RAB34: variants seen among roughly 807,000 people sequenced by gnomAD.
RAB34 encodes RAB34, member RAS oncogene family.
In RAB34, 33 loss-of-function variants were observed where a neutral mutation model predicts 39.0. The observed-to-expected ratio is 0.85, with a 90% CI of 0.64 to 1.13. The LOEUF (loss-of-function observed/expected upper bound fraction) is 1.13, where lower values mean the gene tolerates loss of function less well. Ranked by LOEUF, RAB34 falls within the 50% of genes most tolerant of loss-of-function variation. The pLI is 0.00. For missense variants in RAB34, 289 were observed against 326.1 expected (o/e 0.89, Z 0.88); for synonymous variants, 135 against 125.1 (o/e 1.08, Z -0.53).
chr17:28,715,009 G>C (rs1396815765), intron 8 of RAB34, 23 bp downstream of exon 8: 1 of 1,610,000 alleles, frequency 6.2e-7, no homozygotes, highest in Non-Finnish European at 8.5e-7. Context: ...TGTCACAGCA[G>C]AGCCCTAAAG....
At position 28,717,730 on chromosome 17, in the gene RAB34, G is replaced by A. The variant is rs1051458968; in HGVS notation, c.-464C>T. The A allele has an allele frequency of 2.3e-6, 3 of 1,319,406 alleles. No individual in the cohort carries two copies. The highest frequency in any genetic ancestry group is 1.9e-6 in the Non-Finnish European group (2 of 1,039,150). The allele number at this position is 1,319,406 out of a possible 1,614,324, so 81.7% of individuals were successfully genotyped here. A position where few individuals can be genotyped will look rare whatever the true frequency, so the allele number is the denominator to read the frequency against. On this transcript the variant is annotated 5_prime_UTR_variant, in exon 1 of 10. Transcript: ENST00000395245. ...CCATTACAGAGCGGCCCGGGGGCGC[G>A]GAGCGGCCCCGCCACACGGGGTCAG...
At chr17:28,717,108 C>G in intron 1 of RAB34, 105 bp downstream of exon 1, 4 of 1,542,360 alleles carry the variant, frequency 2.6e-6, no homozygotes, top group Non-Finnish European at 3.5e-6. Context: ...CCAGGCCTAG[C>G]TGGGTGGCAG....
chr17:28,715,552 T>C (rs376815411), intron 5 of RAB34, 45 bp from the exon 6 acceptor site: 895 of 1,614,138 alleles, frequency 5.5e-4, no homozygotes, highest in Non-Finnish European at 6.6e-4. Flanking sequence ...GGGAAGACAC[T>C]ACTGCTCATT....
At chr17:28,715,358 C>G in intron 6 of RAB34, 82 bp from the exon 7 acceptor site, 1 of 1,583,200 alleles carries the variant, frequency 6.3e-7, no homozygotes, top group South Asian at 1.1e-5. Flanking sequence ...ATTACCCCCT[C>G]TCTGGTCCTA....
At chr17:28,716,830 G>T in intron 2 of RAB34, 73 bp downstream of exon 2, 2 of 1,528,394 alleles carry the variant, frequency 1.3e-6, no homozygotes, top group South Asian at 1.2e-5. Context: ...CCAAGGGGGT[G>T]GTTGTTTACC....
chr17:28,718,164 A>G (rs2033865419), upstream of RAB34: 1 of 1,610,036 alleles, frequency 6.2e-7, no homozygotes, highest in Admixed American at 1.7e-5. Context: ...GCTGCGCAGC[A>G]TCTGGCGATG....
rs2033358174 is a variant in RAB34 at position 28,715,994 on chromosome 17, T to C, written c.211A>G (p.Arg71Gly). 6.2e-7 allele frequency: 1 copy of C among 1,614,000 alleles called. No homozygotes were observed. Among genetic ancestry groups the C allele is most frequent in the Admixed American group, 1.7e-5 (1 of 60,014 alleles). ...AGCTCAGCTCCAGCACCCCCTTACC[T>C]ATTAATGAGGCAAGTCTTCCCCACC... is the stretch of plus-strand genomic sequence containing the variant. The part of the protein sequence containing the change: ...LSVGKTCLIN[R>G]FCKDTFDKNY... Residue 71 changes from arginine (R) to glycine (G), a missense_variant and splice_region_variant, in exon 3 of 10, where the codon AGG becomes GGG. Arg to Gly is a moderately radical substitution (Grantham distance 125). Coordinates refer to ENST00000395245, the MANE Select transcript of RAB34 (RefSeq NM_031934.6).
In RAB34 at chr17:28,715,447, C is replaced by T; in HGVS notation, c.431+9G>A. 6.2e-7 allele frequency: 1 copy of T among 1,613,916 alleles called. No individual in the cohort carries two copies. The highest frequency in any genetic ancestry group is 1.3e-5 in the African/African-American group (1 of 75,036). ...GAGCCTCCCATTATATTGCAGGATG[C>T]TCACTTACTTGGTATGTTCCAGAGA... On this transcript the variant is annotated intron_variant, in intron 6 of 9. Transcript: ENST00000395245.
rs139219728 is a variant in RAB34 at position 28,714,889 on chromosome 17, G to A, written c.616C>T (p.Arg206Ter). The change falls in exon 9 of 10, where the codon CGA becomes TGA. Residue 206 changes from arginine to a stop codon, truncating the protein, a stop_gained. Transcript: ENST00000395245. LOFTEE classifies it high-confidence loss of function. ...GCTGCCACACGGAAGAAGAATTCTC[G>A]GACATTCTCACCTGACACAGAGAGC... ...AVSSLTGENVREFFFRVAALT... is the reference protein window; with the variant it reads ...AVSSLTGENV 28 of 1,613,958 alleles carry A rather than the reference G, an allele frequency of 1.7e-5. No homozygotes were observed. Among genetic ancestry groups the A allele is most frequent in the Non-Finnish European group, 2.2e-5 (26 of 1,179,968 alleles).
Position 28,717,332 on chromosome 17 carries a change from G to A in RAB34, c.-66C>T, listed in dbSNP as rs765796000. On this transcript the variant is annotated 5_prime_UTR_variant, in exon 1 of 10. Transcript: ENST00000395245. ...GGCCGGATCCGCGTCAGCGACCCGGGCGCGTGGAGACCCGACGATCACCCG... is the reference window on the plus strand; with the variant it reads ...GGCCGGATCCGCGTCAGCGACCCGGACGCGTGGAGACCCGACGATCACCCG... 7.8e-6 allele frequency: 12 copies of A among 1,541,504 alleles called. No homozygotes were observed. In the South Asian group the frequency reaches 1.4e-4, roughly 18 times the overall value.
At chr17:28,715,424 G>C (rs1257290366) in intron 6 of RAB34, 32 bp downstream of exon 6, 1 of 1,612,792 alleles carries the variant, frequency 6.2e-7, no homozygotes, top group East Asian at 2.2e-5. Context: ...TCTTCCCGGA[G>C]CCTCCCATTA....
Position 28,717,479 on chromosome 17 carries a change from C to T in RAB34, c.-213G>A, listed in dbSNP as rs1047307053. 4 of 1,441,870 alleles carry T rather than the reference C, an allele frequency of 2.8e-6. No homozygotes were observed. In the Admixed American group the frequency reaches 8.0e-5, roughly 29 times the overall value. 89.3% of individuals were successfully genotyped at this position (1,441,870 alleles called of 1,614,324 possible). A position where few individuals can be genotyped will look rare whatever the true frequency, so the allele number is the denominator to read the frequency against. The stretch of plus-strand genomic sequence containing the variant: ...AACAATCACCCGGGGCCGCGGCGAG[C>T]CCAAAATCACCCGGGCCCTGGGCGT... On this transcript the variant is annotated 5_prime_UTR_variant, in exon 1 of 10. Coordinates refer to ENST00000395245, the MANE Select transcript of RAB34 (RefSeq NM_031934.6).
Position 28,715,084 on chromosome 17 carries a change from G to A in RAB34, c.552C>T (p.Leu184=). 1 of 1,614,138 alleles carries A rather than the reference G, an allele frequency of 6.2e-7. No homozygotes were observed. Among genetic ancestry groups the A allele is most frequent in the South Asian group, 1.1e-5 (1 of 91,082 alleles). ...CAGCCTTCATCTCCTGGGCCACCTGGAGGGCGTCTTTCTCCATCAGCGCAT... is the reference window on the plus strand; with the variant it reads ...CAGCCTTCATCTCCTGGGCCACCTGAAGGGCGTCTTTCTCCATCAGCGCAT... ...AQYALMEKDA[L]QVAQEMKAEY... The change falls in exon 8 of 10, where the codon CTC becomes CTT. Residue 184 remains leucine, a synonymous_variant. Transcript: ENST00000395245.
Position 28,717,487 on chromosome 17 carries a change from C to T in RAB34, c.-221G>A. The stretch of plus-strand genomic sequence containing the variant: ...CCCGGGGCCGCGGCGAGCCCAAAAT[C>T]ACCCGGGCCCTGGGCGTCCCGAAGA... On this transcript the variant is annotated 5_prime_UTR_variant, in exon 1 of 10. Coordinates refer to ENST00000395245, the MANE Select transcript of RAB34 (RefSeq NM_031934.6). 1.4e-6 allele frequency: 2 copies of T among 1,437,014 alleles called. No homozygotes were observed. Among genetic ancestry groups the T allele is most frequent in the South Asian group, 2.9e-5 (2 of 70,132 alleles). The allele number at this position is 1,437,014 out of a possible 1,614,324, so 89.0% of individuals were successfully genotyped here. A position where few individuals can be genotyped will look rare whatever the true frequency, so the allele number is the denominator to read the frequency against.
At chr17:28,714,930 G>A (rs1438643392) in intron 8 of RAB34, 30 bp from the exon 9 acceptor site, 12 of 1,604,346 alleles carry the variant, frequency 7.5e-6, no homozygotes, top group Non-Finnish European at 1.0e-5. Flanking sequence ...GGTGCTCAGG[G>A]GCAGTGCTGG....
chr17:28,715,531 C>A, intron 5 of RAB34, 24 bp from the exon 6 acceptor site: 1 of 1,614,106 alleles, frequency 6.2e-7, no homozygotes, highest in Non-Finnish European at 8.5e-7. Flanking sequence ...AGAAACAGCC[C>A]CAGGTTGACA....
upstream of RAB34, chr17:28,718,056 A>T: frequency 6.8e-7 from 1 of 1,469,916 alleles, no homozygotes; most frequent in Non-Finnish European, 9.1e-7. Flanking sequence ...CTATCCAGAT[A>T]GGGACTCCCC....
chr17:28,718,347 CA>C, upstream of RAB34: 1 of 1,289,812 alleles, frequency 7.8e-7, no homozygotes, highest in East Asian at 2.8e-5. Flanking sequence ...AAGGGGGTGC[CA>C]GGGTTAGAAT....
At position 28,717,574 on chromosome 17, in the gene RAB34, G is replaced by C. The variant is rs933008637; in HGVS notation, c.-308C>G. 7.0e-7 allele frequency: 1 copy of C among 1,418,978 alleles called. No individual in the cohort carries two copies. Among genetic ancestry groups the C allele is most frequent in the South Asian group, 1.5e-5 (1 of 67,038 alleles). 87.9% of individuals were successfully genotyped at this position (1,418,978 alleles called of 1,614,324 possible). On this transcript the variant is annotated 5_prime_UTR_variant, in exon 1 of 10. Transcript: ENST00000395245. ...GGGGGCGGGGAGTCCCGTCTGGTGG[G>C]GGCCGGGCCCGCGCAGACCCTACGA...
Sources: allele counts gnomAD v4.1 joint callset, GRCh38; gene constraint gnomAD v4.1.1; transcripts MANE v1.5; gene names NCBI Gene and HGNC (gene_info 2026-07-23, HGNC 2026-07-21).